The following RTN4 variants were observed in gnomAD, a reference collection of about 807,000 sequenced individuals.
RTN4 encodes reticulon 4.
A neutral mutation model predicts 90.4 loss-of-function variants in RTN4; 32 were observed. The observed-to-expected ratio is 0.35, with a 90% CI of 0.27 to 0.48. RTN4 has a LOEUF of 0.48. RTN4 is among the 20% of genes least tolerant of loss of function. RTN4 has a pLI of 0.99. For synonymous variants in RTN4, 629 were observed against 552.5 expected, an observed-to-expected ratio of 1.14 and a Z score of -1.94; for missense variants, 1,706 against 1,430.2, an observed-to-expected ratio of 1.19 and a Z score of -3.11.
intron 3 of RTN4, among the ~76,000 whole-genome samples, chr2:55,022,931 C>CACA (rs1558815395): frequency 1.4e-5 from 1 of 71,392 alleles, no homozygotes; most frequent in African/African-American, 3.9e-5. Flanking sequence ...ACACACACAC[C>CACA]CTGCTCTCCC....
At chr2:55,070,717 C>G (rs1413821980) in intron 2 of RTN4, among the ~76,000 whole-genome samples, 3 of 151,536 alleles carry the variant, frequency 2.0e-5, no homozygotes, top group Non-Finnish European at 4.4e-5. Context: ...AAAATCTCCA[C>G]TCCTATCAAG....
intron 3 of RTN4, chr2:55,014,530 T>A (rs868206019): frequency 1.3e-5 from 2 of 151,926 alleles, no homozygotes; most frequent in African/African-American, 2.4e-5. Context: ...GCATTTTTTT[T>A]TTTTTGGAGA....
At chr2:55,010,347 G>T in intron 3 of RTN4, 1 of 1,345,678 alleles carries the variant, frequency 7.4e-7, no homozygotes. Context: ...TAATACTCCA[G>T]CATTAATGCT....
At chr2:55,069,543 A>T (rs1427550287) in intron 2 of RTN4, among the ~76,000 whole-genome samples, 1 of 152,228 alleles carries the variant, frequency 6.6e-6, no homozygotes, top group African/African-American at 2.4e-5. Flanking sequence ...GTGAGTATGG[A>T]GTATAATTGT....
In RTN4 at chr2:55,025,200, T is replaced by G; in HGVS notation, c.2899A>C (p.Ile967Leu). ...ALATQAEIES[I>L]VKPKVLVKEA... ...TTCACAAGAACTTTGGGTTTAACTATGCTCTCTATCTCTGCTTGAGTGGCC... is the reference window on the plus strand; with the variant it reads ...TTCACAAGAACTTTGGGTTTAACTAGGCTCTCTATCTCTGCTTGAGTGGCC... Residue 967 changes from isoleucine to leucine, a missense_variant, in exon 3 of 9, where the codon ATA (isoleucine) becomes CTA (leucine). Coordinates refer to ENST00000337526, the MANE Select transcript of RTN4 (RefSeq NM_020532.5). 6.2e-7 allele frequency: 1 copy of G among 1,613,886 alleles called. No homozygotes were observed. Among genetic ancestry groups the G allele is most frequent in the African/African-American group, 1.3e-5 (1 of 75,050 alleles).
chr2:55,089,605 C>T (rs1372853568), intron 1 of RTN4, among the ~76,000 whole-genome samples: 1 of 152,262 alleles, frequency 6.6e-6, no homozygotes, highest in Non-Finnish European at 1.5e-5. Context: ...CAGAGACGTC[C>T]TGCTCCAACT....
intron 1 of RTN4, among the ~76,000 whole-genome samples, chr2:55,088,667 T>C (rs1410854005): frequency 6.6e-6 from 1 of 152,222 alleles, no homozygotes; most frequent in African/African-American, 2.4e-5. Flanking sequence ...CCAAAGGGTC[T>C]AGTAAGCAAA....
At chr2:54,983,333 A>AAATAAATG (rs1417689189) in intron 4 of RTN4, among the ~76,000 whole-genome samples, 1 of 151,242 alleles carries the variant, frequency 6.6e-6, no homozygotes, top group African/African-American at 2.4e-5. Flanking sequence ...ATAAATAAAT[A>AAATAAATG]AATAAATAAA....
At chr2:54,980,581 G>T (rs1436058901) in intron 5 of RTN4, among the ~76,000 whole-genome samples, 4 of 152,142 alleles carry the variant, frequency 2.6e-5, no homozygotes, top group African/African-American at 7.2e-5. Flanking sequence ...AAACATCGAG[G>T]ATGACTTTTG....
intron 2 of RTN4, among the ~76,000 whole-genome samples, chr2:55,061,903 G>A (rs944994100): frequency 6.6e-6 from 1 of 152,080 alleles, no homozygotes; most frequent in African/African-American, 2.4e-5. Flanking sequence ...CCCCCATCCT[G>A]TGCCTATAAA....
In RTN4 at chr2:54,973,148, G is replaced by C. The variant is rs777949409; in HGVS notation, c.*8C>G. On this transcript the variant is annotated 3_prime_UTR_variant, in exon 9 of 9. Coordinates refer to ENST00000337526, the MANE Select transcript of RTN4 (RefSeq NM_020532.5). ...AAGATGAACTCCTACTAATTATTTT[G>C]GGCGTTTTCATTCAGCTTTGCGCTT... 10 of 1,600,854 alleles carry C rather than the reference G, an allele frequency of 6.2e-6. No individual in the cohort carries two copies. In the South Asian group the frequency reaches 1.1e-4, roughly 18 times the overall value.
intron 3 of RTN4, chr2:55,009,992 T>C: frequency 1.4e-6 from 2 of 1,428,890 alleles, no homozygotes; most frequent in Middle Eastern, 1.9e-4. Context: ...AGGTTTCACT[T>C]TCAATCCAAA....
chr2:55,059,324 A>C (rs1006346773), intron 2 of RTN4, among the ~76,000 whole-genome samples: 1 of 149,632 alleles, frequency 6.7e-6, no homozygotes, highest in African/African-American at 2.5e-5. Flanking sequence ...TTTTTTTTTA[A>C]TATACTTAAT....
At chr2:55,072,552 A>G (rs1426774793) in intron 2 of RTN4, among the ~76,000 whole-genome samples, 8 of 152,176 alleles carry the variant, frequency 5.3e-5, no homozygotes, top group Admixed American at 5.2e-4. Context: ...TTCTTAGGAT[A>G]CATTCTTGGT....
chr2:55,065,356 A>G (rs2105009093), intron 2 of RTN4, among the ~76,000 whole-genome samples: 1 of 152,314 alleles, frequency 6.6e-6, no homozygotes, highest in East Asian at 1.9e-4. Context: ...TGAATGTGTT[A>G]TACTACCTCT....
chr2:55,000,638 G>T (rs1022020771), intron 3 of RTN4, among the ~76,000 whole-genome samples: 2 of 152,180 alleles, frequency 1.3e-5, no homozygotes, highest in Non-Finnish European at 2.9e-5. Flanking sequence ...TGATGCAAAT[G>T]TATTTGTACA....
At position 55,026,518 on chromosome 2, in the gene RTN4, T is replaced by C; in HGVS notation, c.1581A>G (p.Thr527=). The C allele has an allele frequency of 6.2e-7, 1 of 1,613,992 alleles. No homozygotes were observed. Among genetic ancestry groups the C allele is most frequent in the Non-Finnish European group, 8.5e-7 (1 of 1,179,932 alleles). ...TTAAATTATCTGTTGTGACATAATC[T>C]GTCTCAGAATCCTGTGCTGCTACAA... ...PFLVAAQDSE[T]DYVTTDNLTK... The change falls in exon 3 of 9, where the codon ACA becomes ACG. Residue 527 remains threonine (T), a synonymous_variant. Coordinates refer to ENST00000337526, the MANE Select transcript of RTN4 (RefSeq NM_020532.5).
chr2:55,059,261 G>A (rs760980473), intron 2 of RTN4, among the ~76,000 whole-genome samples: 9 of 151,450 alleles, frequency 5.9e-5, no homozygotes, highest in Admixed American at 6.6e-5. Flanking sequence ...TGTTTTGCCT[G>A]TGCTGATCTC....
At chr2:55,076,591 G>T (rs927727105) in intron 2 of RTN4, among the ~76,000 whole-genome samples, 1 of 151,722 alleles carries the variant, frequency 6.6e-6, no homozygotes, top group Non-Finnish European at 1.5e-5. Context: ...GTACAGACGC[G>T]GTTTCACCAT....
Sources: gnomAD v4.1 joint callset for allele counts (sites outside exome capture counted in the v4.1 genomes callset) on GRCh38, gnomAD v4.1.1 for gene constraint, MANE v1.5 for transcripts, NCBI Gene and HGNC (gene_info 2026-07-23, HGNC 2026-07-21) for gene names.